PCDHA10: variants seen among roughly 807,000 people sequenced by gnomAD.
PCDHA10 encodes the protein protocadherin alpha 10.
PCDHA10 carries 45 observed loss-of-function variants against 61.2 expected under a neutral mutation model. The observed-to-expected ratio is 0.74, with a 90% CI of 0.58 to 0.94. The LOEUF is 0.94. Ranked by LOEUF, PCDHA10 falls within the 40% of genes least tolerant of loss-of-function variation. The pLI, the probability that PCDHA10 is intolerant of heterozygous loss-of-function variation, is 0.00. For synonymous variants in PCDHA10, 602 were observed against 548.8 expected (o/e 1.10, Z -1.35); for missense variants, 1,278 against 1,236.2 (o/e 1.03, Z -0.51).
At chr5:140,988,182 G>A (rs191995725) in intron 3 of PCDHA10, among the ~76,000 whole-genome samples, 79 of 152,240 alleles carry the variant, frequency 5.2e-4, no homozygotes, top group African/African-American at 1.5e-3. Flanking sequence ...ACAGTCCTGG[G>A]AGGTGTGTGC....
At chr5:140,944,558 G>A (rs140707063) in intron 1 of PCDHA10, among the ~76,000 whole-genome samples, 10 of 152,230 alleles carry the variant, frequency 6.6e-5, no homozygotes, top group African/African-American at 2.2e-4. Flanking sequence ...TAGTTTTCCT[G>A]GCAACTTACT....
intron 1 of PCDHA10, among the ~76,000 whole-genome samples, chr5:140,958,381 T>G (rs1554223451): frequency 6.6e-6 from 1 of 152,280 alleles, no homozygotes; most frequent in South Asian, 2.1e-4. Context: ...GCTATTTTCT[T>G]AACAGGTCAT....
At chr5:140,952,955 A>G (rs1244776708) in intron 1 of PCDHA10, among the ~76,000 whole-genome samples, 1 of 152,044 alleles carries the variant, frequency 6.6e-6, no homozygotes, top group Non-Finnish European at 1.5e-5. Context: ...AGAAGGGGGA[A>G]GTGATACACA....
chr5:140,963,117 AAG>A (rs1292385306), intron 1 of PCDHA10, among the ~76,000 whole-genome samples: 1 of 152,182 alleles, frequency 6.6e-6, no homozygotes, highest in African/African-American at 2.4e-5. Flanking sequence ...CTTATAATTA[AAG>A]AGATAATATT....
intron 1 of PCDHA10, chr5:140,877,392 G>A: frequency 1.2e-6 from 2 of 1,613,970 alleles, no homozygotes; most frequent in Non-Finnish European, 1.7e-6. Flanking sequence ...TGGATGAGGC[G>A]GACGCTCCGC....
rs782820218 is a variant in PCDHA10 at position 140,858,002 on chromosome 5, G to C, written c.1954G>C (p.Asp652His). 1 of 1,596,914 alleles carries C rather than the reference G, an allele frequency of 6.3e-7. No homozygotes were observed. Among genetic ancestry groups the C allele is most frequent in the Admixed American group, 1.7e-5 (1 of 59,172 alleles). Residue 652 changes from aspartate (D) to histidine (H), a missense_variant, in exon 1 of 4, where the codon GAC becomes CAC. Transcript: ENST00000307360. ...CCAGCGCCTACTGGTGCTGGTGAAG[G>C]ACCATGGCGAGCCGTCGCTGACGGC... ...PRQRLLVLVK[D>H]HGEPSLTATA...
chr5:140,881,695 T>G (rs576802700), intron 1 of PCDHA10, among the ~76,000 whole-genome samples: 1 of 152,318 alleles, frequency 6.6e-6, no homozygotes, highest in East Asian at 1.9e-4. Flanking sequence ...CCTTTTGGAG[T>G]CAATGGCTGT....
chr5:140,985,508 A>G (rs2097155357), intron 3 of PCDHA10, among the ~76,000 whole-genome samples: 1 of 152,160 alleles, frequency 6.6e-6, no homozygotes, highest in Admixed American at 6.5e-5. Context: ...CCTTTCATTG[A>G]TTCTGTTGCC....
At chr5:140,984,633 T>G (rs2097112196) in intron 3 of PCDHA10, among the ~76,000 whole-genome samples, 1 of 152,206 alleles carries the variant, frequency 6.6e-6, no homozygotes, top group African/African-American at 2.4e-5. Flanking sequence ...AAAGGGATTC[T>G]CTGCCTTCTC....
At chr5:140,974,865 G>A (rs1042029401) in intron 1 of PCDHA10, among the ~76,000 whole-genome samples, 7 of 152,026 alleles carry the variant, frequency 4.6e-5, no homozygotes, top group African/African-American at 1.4e-4. Context: ...GCCTTAATGC[G>A]GAACAGTCTA....
intron 1 of PCDHA10, among the ~76,000 whole-genome samples, chr5:140,898,461 G>T (rs1393934497): frequency 4.6e-5 from 7 of 152,102 alleles, no homozygotes; most frequent in Non-Finnish European, 8.8e-5. Flanking sequence ...TTTCCCCATT[G>T]CTTGTTTTTC....
chr5:140,887,885 A>G (rs1281444456), intron 1 of PCDHA10, among the ~76,000 whole-genome samples: 1 of 152,144 alleles, frequency 6.6e-6, no homozygotes, highest in Non-Finnish European at 1.5e-5. Context: ...TTGTAGTATC[A>G]TATCTGTTAA....
chr5:140,882,572 T>C, intron 1 of PCDHA10: 1 of 1,614,106 alleles, frequency 6.2e-7, no homozygotes, highest in Non-Finnish European at 8.5e-7. Flanking sequence ...GAGCGCGGAG[T>C]GCAGCATCCA....
At position 140,858,350 on chromosome 5, in the gene PCDHA10, A is replaced by C. The variant is rs1160044351; in HGVS notation, c.2302A>C (p.Met768Leu). The change falls in exon 1 of 4, where the codon ATG (methionine) becomes CTG (leucine). Residue 768 changes from methionine to leucine, a missense_variant. By Grantham distance (15) the Met-to-Leu change is conservative (BLOSUM62 2). Transcript: ENST00000307360. ...GGAGGGCCTGCCCAAGGCGGACCTC[A>C]TGGCCTTCAGCCCCAGCCTTCCACC... ...SGEGLPKADL[M>L]AFSPSLPPCP... is the part of the protein sequence containing the mutation. 1 of 1,594,392 alleles carries C rather than the reference A, an allele frequency of 6.3e-7. No individual in the cohort carries two copies. Among genetic ancestry groups the C allele is most frequent in the East Asian group, 2.2e-5 (1 of 44,818 alleles).
chr5:140,981,407 C>G (rs1410838924), intron 2 of PCDHA10, among the ~76,000 whole-genome samples: 1 of 152,042 alleles, frequency 6.6e-6, no homozygotes, highest in Non-Finnish European at 1.5e-5. Flanking sequence ...AAACCTGTCT[C>G]TACTAAAAAT....
At chr5:140,969,109 T>C (rs782731369) in intron 1 of PCDHA10, 10 of 1,614,126 alleles carry the variant, frequency 6.2e-6, no homozygotes, top group Non-Finnish European at 8.5e-6. Flanking sequence ...TCATTGAAGT[T>C]CGAGGGAATG....
chr5:140,927,051 G>T, intron 1 of PCDHA10: 1 of 1,612,116 alleles, frequency 6.2e-7, no homozygotes, highest in South Asian at 1.1e-5. Flanking sequence ...TGTCCTCGCG[G>T]AACTTTCGCT....
intron 3 of PCDHA10, among the ~76,000 whole-genome samples, chr5:140,993,375 C>T (rs1238667698): frequency 1.3e-5 from 2 of 151,770 alleles, no homozygotes; most frequent in Non-Finnish European, 2.9e-5. Flanking sequence ...ACCTCCCAGC[C>T]GGGTCCCTGA....
chr5:140,858,459 TC>T, intron 1 of PCDHA10, 23 bp downstream of exon 1: 5 of 1,527,032 alleles, frequency 3.3e-6, no homozygotes, highest in Non-Finnish European at 4.4e-6. Context: ...GTTTTCATTT[TC>T]CTTTTGTGCT....
Sources: gnomAD v4.1 joint callset for allele counts (sites outside exome capture counted in the v4.1 genomes callset) on GRCh38, gnomAD v4.1.1 for gene constraint, MANE v1.5 for transcripts, NCBI Gene and HGNC (gene_info 2026-07-23, HGNC 2026-07-21) for gene names.